ADAMTS17: variants seen among roughly 807,000 people sequenced by gnomAD.
ADAMTS17 encodes ADAM metallopeptidase with thrombospondin type 1 motif 17.
ADAMTS17 carries 113 observed loss-of-function variants against 141.5 expected under a neutral mutation model. That is an observed-to-expected ratio of 0.80 (90% confidence interval 0.69 to 0.93). The LOEUF (loss-of-function observed/expected upper bound fraction) is 0.93. Among genes scored for constraint, ADAMTS17 ranks in the 40% least tolerant of loss-of-function variants. The pLI is 0.00. For synonymous variants in ADAMTS17, 768 were observed against 630.6 expected, an observed-to-expected ratio of 1.22 and a Z score of -3.27; for missense variants, 1,659 against 1,517.9, an observed-to-expected ratio of 1.09 and a Z score of -1.54.
At chr15:100,053,653 G>C (rs559739400) in intron 16 of ADAMTS17, among the ~76,000 whole-genome samples, 1 of 152,286 alleles carries the variant, frequency 6.6e-6, no homozygotes, top group Admixed American at 6.5e-5. Context: ...GAAAAAGATA[G>C]GAGCTCGGCC....
intron 15 of ADAMTS17, among the ~76,000 whole-genome samples, chr15:100,075,742 A>T (rs1355808811): frequency 6.6e-6 from 1 of 152,176 alleles, no homozygotes; most frequent in Non-Finnish European, 1.5e-5. Context: ...CAAAGTATAT[A>T]CATTTGTCTC....
At chr15:100,291,451 A>C (rs984450457) in intron 3 of ADAMTS17, among the ~76,000 whole-genome samples, 1 of 152,242 alleles carries the variant, frequency 6.6e-6, no homozygotes, top group Non-Finnish European at 1.5e-5. Flanking sequence ...AAATTTCTCA[A>C]AGAATTTTAA....
intron 18 of ADAMTS17, among the ~76,000 whole-genome samples, chr15:100,045,654 G>C (rs1016567608): frequency 1.2e-4 from 18 of 152,100 alleles, no homozygotes; most frequent in Admixed American, 9.8e-4. Flanking sequence ...CTCCTTTCTG[G>C]AGTTTTTCCT....
chr15:100,011,012 A>G (rs1025449384), intron 18 of ADAMTS17, among the ~76,000 whole-genome samples: 1 of 152,010 alleles, frequency 6.6e-6, no homozygotes, highest in Admixed American at 6.5e-5. Flanking sequence ...CGTCTCCGGA[A>G]GCCGGCGGTT....
chr15:100,274,901 G>T (rs2044028659), intron 4 of ADAMTS17, among the ~76,000 whole-genome samples: 1 of 152,038 alleles, frequency 6.6e-6, no homozygotes, highest in South Asian at 2.1e-4. Context: ...TTACTGTGGG[G>T]ATTATATTTA....
intron 10 of ADAMTS17, among the ~76,000 whole-genome samples, chr15:100,133,825 ACCCCGAC>A (rs2038183886): frequency 6.6e-6 from 1 of 152,238 alleles, no homozygotes; most frequent in Admixed American, 6.5e-5. Flanking sequence ...AAGGACTGGT[ACCCCGAC>A]AGGGTTACAG....
intron 2 of ADAMTS17, chr15:100,339,127 A>G (rs1475698452): frequency 1.2e-5 from 12 of 985,356 alleles, no homozygotes; most frequent in Non-Finnish European, 1.4e-5. Flanking sequence ...ACTGGCACAC[A>G]CTGAACTCAG....
intron 18 of ADAMTS17, among the ~76,000 whole-genome samples, chr15:100,025,053 T>G (rs965118626): frequency 2.6e-5 from 4 of 152,176 alleles, no homozygotes; most frequent in African/African-American, 9.6e-5. Context: ...GGGTTGAGAG[T>G]GGTACGCTAA....
intron 18 of ADAMTS17, among the ~76,000 whole-genome samples, chr15:100,040,679 C>CA (rs113073664): frequency 0.2 from 20,129 of 102,348 alleles, 4,471 homozygotes; most frequent in African/African-American, 0.53. Context: ...GTCAAATGAC[C>CA]AAAAAAAAAA....
chr15:99,993,414 C>T lies in ADAMTS17; in HGVS notation c.2797-214G>A, dbSNP rs28583873. ...GAGTGGCCAGTGTTGTGGAAGGGAC[C>T]TAGGAATCAGGAGTGGGAAGAACCT... On this transcript the variant is annotated intron_variant, in intron 19 of 21. Coordinates refer to ENST00000268070, the MANE Select transcript of ADAMTS17 (RefSeq NM_139057.4). This position sits in a 1 kb window ranked among gnomAD's most constrained non-coding sequence, Gnocchi z 4.3. Among the ~76,000 whole-genome samples the T allele has an allele frequency of 1.3e-5, 2 of 152,158 alleles. No individual in the cohort carries two copies. Among genetic ancestry groups the T allele is most frequent in the South Asian group, 2.1e-4 (1 of 4,828 alleles).
intron 15 of ADAMTS17, 95 bp downstream of exon 15, chr15:100,096,261 C>G (rs963512966): frequency 6.3e-7 from 1 of 1,592,652 alleles, no homozygotes. Flanking sequence ...CCATCTAGCC[C>G]TTAAATATGA....
intron 8 of ADAMTS17, among the ~76,000 whole-genome samples, chr15:100,188,756 AC>A (rs1414373482): frequency 1.3e-5 from 2 of 152,164 alleles, no homozygotes; most frequent in Non-Finnish European, 2.9e-5. Context: ...CTGAACGGAA[AC>A]CTAGCGTCAA....
At chr15:100,323,158 A>G (rs1192824838) in intron 3 of ADAMTS17, among the ~76,000 whole-genome samples, 5 of 142,684 alleles carry the variant, frequency 3.5e-5, no homozygotes, top group Admixed American at 3.3e-4. Flanking sequence ...AAAAATAAAA[A>G]TTCAATTAAT....
At chr15:100,059,444 C>T (rs892377925) in intron 15 of ADAMTS17, among the ~76,000 whole-genome samples, 1 of 145,982 alleles carries the variant, frequency 6.9e-6, no homozygotes, top group African/African-American at 2.7e-5. Context: ...GTCAGCAGAG[C>T]CAGGAGGCAT....
chr15:100,137,220 A>G (rs999479677), intron 10 of ADAMTS17, among the ~76,000 whole-genome samples: 15 of 152,188 alleles, frequency 9.9e-5, no homozygotes, highest in African/African-American at 3.6e-4. Context: ...GGAGTTAGAG[A>G]ACAGAATTCA....
chr15:100,024,836 G>A lies in ADAMTS17; in HGVS notation c.2591+24021C>T, dbSNP rs188245184. Among the ~76,000 whole-genome samples the A allele has an allele frequency of 8.5e-5, 13 of 152,318 alleles. No individual in the cohort carries two copies. The East Asian group carries it at 2.5e-3, about 29-fold the overall frequency. ...CTTTGGATGTTCCCTGCCGGTCAAT[G>A]TTTCCTTAGCACGTGACCTTGACAA... On this transcript the variant is annotated intron_variant, in intron 18 of 21. Transcript: ENST00000268070.
chr15:100,057,077 G>A lies in ADAMTS17; in HGVS notation c.2138-3023C>T, dbSNP rs532728658. Among the ~76,000 whole-genome samples, 9 of 152,122 alleles carry A rather than the reference G, an allele frequency of 5.9e-5. No homozygotes were observed. The South Asian group carries it at 8.3e-4, about 14-fold the overall frequency. ...CTGCCTGCAGTGTGTGAGGCAGGAC[G>A]GTCATTCCTGATCCTCAGAGGCCAG... On this transcript the variant is annotated intron_variant, in intron 15 of 21. Transcript: ENST00000268070.
intron 20 of ADAMTS17, chr15:99,976,492 T>C: frequency 3.4e-6 from 2 of 590,588 alleles, no homozygotes; most frequent in Non-Finnish European, 6.1e-6. Flanking sequence ...CTTGCAATCA[T>C]TCAGGGCAAA....
At chr15:100,298,353 A>G (rs2044898460) in intron 3 of ADAMTS17, among the ~76,000 whole-genome samples, 1 of 152,144 alleles carries the variant, frequency 6.6e-6, no homozygotes, top group Non-Finnish European at 1.5e-5. Context: ...CGAGGCTTCT[A>G]CTGCACTCAT....
Sources: gnomAD v4.1 joint callset for allele counts (sites outside exome capture counted in the v4.1 genomes callset) on GRCh38, gnomAD v4.1.1 for gene constraint, Gnocchi (gnomAD v3.1) non-coding constraint, MANE v1.5 for transcripts, NCBI Gene and HGNC (gene_info 2026-07-23, HGNC 2026-07-21) for gene names.